The following TC2N variants were observed in gnomAD, a reference collection of about 807,000 sequenced individuals.
TC2N encodes the protein tandem C2 domains nuclear protein.
TC2N carries 51 observed loss-of-function variants against 61.9 expected under a neutral mutation model. The observed-to-expected ratio is 0.82, with a 90% CI of 0.66 to 1.04. The LOEUF is 1.04. Ranked by LOEUF, TC2N falls within the 50% of genes least tolerant of loss-of-function variation. The probability of loss-of-function intolerance (pLI) is 0.00; values close to 1 mark genes in which losing one functional copy is unlikely to be tolerated. For missense variants in TC2N, 556 were observed against 566.7 expected, an observed-to-expected ratio of 0.98 and a Z score of 0.19; for synonymous variants, 204 against 192.6, an observed-to-expected ratio of 1.06 and a Z score of -0.49.
At chr14:91,827,704 T>C (rs1454147478) in intron 1 of TC2N, among the ~76,000 whole-genome samples, 1 of 152,216 alleles carries the variant, frequency 6.6e-6, no homozygotes, top group Non-Finnish European at 1.5e-5. Flanking sequence ...ATGGTAATCT[T>C]TGTGAGGCCA....
intron 1 of TC2N, among the ~76,000 whole-genome samples, chr14:91,853,866 G>C (rs1195077326): frequency 6.6e-6 from 1 of 151,778 alleles, no homozygotes; most frequent in Non-Finnish European, 1.5e-5. Context: ...CTGGGATCTG[G>C]CATAAGCTTC....
intron 1 of TC2N, among the ~76,000 whole-genome samples, chr14:91,860,943 C>T (rs778131900): frequency 2.6e-5 from 4 of 152,212 alleles, no homozygotes; most frequent in African/African-American, 2.4e-5. Context: ...GGCAAAGAGG[C>T]TCTGGCCTCT....
intron 9 of TC2N, among the ~76,000 whole-genome samples, chr14:91,790,853 G>A (rs1196784649): frequency 6.6e-6 from 1 of 152,088 alleles, no homozygotes; most frequent in Non-Finnish European, 1.5e-5. Flanking sequence ...AGGCAAGGCT[G>A]GGCGCAGTGG....
Position 91,800,281 on chromosome 14 carries a change from C to A in TC2N, c.561G>T (p.Gln187His). Residue 187 changes from glutamine (Q) to histidine (H), a missense_variant and splice_region_variant, in exon 5 of 12, where the codon CAG (glutamine) becomes CAT (histidine). Gln to His is a conservative substitution (Grantham distance 24). Coordinates refer to ENST00000435962, the MANE Select transcript of TC2N (RefSeq NM_001128596.3). ...DLTNSSQRFI[Q>H]RHDSLSSVPS... Reference sequence around the variant, plus strand: ...AATTAAATTTATGTAGATAATTCACCTGGATGAATCGCTGAGATGAGTTTG... The same window carrying A: ...AATTAAATTTATGTAGATAATTCACATGGATGAATCGCTGAGATGAGTTTG... 6.4e-7 allele frequency: 1 copy of A among 1,568,898 alleles called. No individual in the cohort carries two copies. Among genetic ancestry groups the A allele is most frequent in the South Asian group, 1.2e-5 (1 of 84,614 alleles).
intron 1 of TC2N, among the ~76,000 whole-genome samples, chr14:91,854,273 T>G (rs1157646660): frequency 6.6e-6 from 1 of 152,100 alleles, no homozygotes; most frequent in African/African-American, 2.4e-5. Context: ...TGGGCTTGAT[T>G]TTCCTTATTT....
chr14:91,793,338 A>G (rs923581633), intron 8 of TC2N, among the ~76,000 whole-genome samples: 2 of 152,148 alleles, frequency 1.3e-5, no homozygotes, highest in African/African-American at 4.8e-5. Flanking sequence ...AGGAGCTTTT[A>G]TTCCTTTTGA....
chr14:91,822,360 A>C (rs1887291731), intron 1 of TC2N, among the ~76,000 whole-genome samples: 1 of 152,228 alleles, frequency 6.6e-6, no homozygotes. Context: ...ATGAATCTCA[A>C]AATAATTATG....
At chr14:91,835,854 T>C (rs770308143) in intron 1 of TC2N, among the ~76,000 whole-genome samples, 10 of 152,146 alleles carry the variant, frequency 6.6e-5, no homozygotes, top group Non-Finnish European at 1.0e-4. Flanking sequence ...AGAAACCACC[T>C]GGACGCGCCG....
chr14:91,824,391 G>A (rs917737483), intron 1 of TC2N, among the ~76,000 whole-genome samples: 4 of 152,304 alleles, frequency 2.6e-5, no homozygotes, highest in African/African-American at 9.6e-5. Flanking sequence ...GGAACAGCCT[G>A]TCTATGGTAT....
chr14:91,817,343 C>T (rs1360219529), intron 1 of TC2N, among the ~76,000 whole-genome samples: 1 of 151,830 alleles, frequency 6.6e-6, no homozygotes, highest in Non-Finnish European at 1.5e-5. Flanking sequence ...CCCTGTTCAG[C>T]CCCAGCATAT....
chr14:91,789,421 G>A (rs543660814), intron 9 of TC2N, among the ~76,000 whole-genome samples: 16 of 149,490 alleles, frequency 1.1e-4, no homozygotes, highest in African/African-American at 4.0e-4. Context: ...GTGAAACCCT[G>A]TCTCTACTAA....
Position 91,799,214 on chromosome 14 carries a change from A to G in TC2N, c.562-150T>C, listed in dbSNP as rs1360581784. 34 of 109,424 alleles carry G rather than the reference A, an allele frequency of 3.1e-4. No individual in the cohort carries two copies. The South Asian group carries it at 5.0e-3, about 16-fold the overall frequency. 6.8% of individuals were successfully genotyped at this position (109,424 alleles called of 1,614,324 possible). ...AGAATTTCCCACTTACAGGTAGTGG[A>G]AAAAAAAAAAAAAAGCTTTTGGCAT... On this transcript the variant is annotated intron_variant, in intron 5 of 11. Transcript: ENST00000435962.
At chr14:91,865,618 G>A (rs1296193486) in intron 1 of TC2N, among the ~76,000 whole-genome samples, 3 of 151,894 alleles carry the variant, frequency 2.0e-5, no homozygotes, top group Non-Finnish European at 2.9e-5. Flanking sequence ...AACACAAATT[G>A]TATCAAAAAG....
At chr14:91,801,812 C>A (rs1014300921) in intron 4 of TC2N, among the ~76,000 whole-genome samples, 2 of 152,154 alleles carry the variant, frequency 1.3e-5, no homozygotes, top group African/African-American at 4.8e-5. Context: ...CAACATAATG[C>A]TTTAAAGTAT....
rs1388281527 is a variant in TC2N at position 91,837,074 on chromosome 14, A to G, written c.-56-23249T>C. 6.6e-6 allele frequency among the ~76,000 whole-genome samples: 1 copy of G among 152,084 alleles called. No homozygotes were observed. The highest frequency in any genetic ancestry group is 2.4e-5 in the African/African-American group (1 of 41,406). On this transcript the variant is annotated intron_variant, in intron 1 of 11. Transcript: ENST00000435962. This position sits in a 1 kb window ranked among gnomAD's most constrained non-coding sequence, Gnocchi z 4.2. ...GAATATTAAATGTATCCACCACAGC[A>G]CCTCACACCCCCGATTCTATGAGGG...
chr14:91,803,511 G>A (rs1187341500), intron 3 of TC2N, among the ~76,000 whole-genome samples: 1 of 151,956 alleles, frequency 6.6e-6, no homozygotes, highest in Non-Finnish European at 1.5e-5. Context: ...GGAATGCAGT[G>A]GCATGATCTC....
At chr14:91,850,477 C>A (rs1207059629) in intron 1 of TC2N, among the ~76,000 whole-genome samples, 1 of 152,204 alleles carries the variant, frequency 6.6e-6, no homozygotes, top group Non-Finnish European at 1.5e-5. Context: ...AGCAGGTGAG[C>A]GAGTGAAGCT....
intron 1 of TC2N, among the ~76,000 whole-genome samples, chr14:91,823,302 C>T (rs1887341837): frequency 6.6e-6 from 1 of 151,794 alleles, no homozygotes; most frequent in Non-Finnish European, 1.5e-5. Context: ...GGGTGGATCA[C>T]CTAAGGTCGG....
rs541274948 is a variant in TC2N, at chr14:91,839,186, TCCAG to T, written c.-56-25365_-56-25362del. ...TTGTGACTCAGCCCAAGCCTACCTC[TCCAG>T]CCTTATCTCCCAGTATTTCCATCAC... On this transcript the variant is annotated intron_variant, in intron 1 of 11. Transcript: ENST00000435962. 1.3e-4 allele frequency among the ~76,000 whole-genome samples: 20 copies of T among 152,298 alleles called. 1 individual carries two copies. In the East Asian group the frequency reaches 3.9e-3, roughly 29 times the overall value.
Sources: gnomAD v4.1 joint callset for allele counts (sites outside exome capture counted in the v4.1 genomes callset) on GRCh38, gnomAD v4.1.1 for gene constraint, Gnocchi (gnomAD v3.1) non-coding constraint, MANE v1.5 for transcripts, NCBI Gene and HGNC (gene_info 2026-07-23, HGNC 2026-07-21) for gene names.